Variants in WFDC13 observed in about 807,000 individuals in gnomAD.
The protein encoded by WFDC13 is WAP four-disulfide core domain 13.
Under a neutral mutation model 10.9 loss-of-function variants are expected in WFDC13, and 6 were observed. The ratio of observed to expected loss-of-function variants is 0.55; its 90% confidence interval spans 0.30 to 1.09. The LOEUF is 1.09. WFDC13 is among the 50% of genes least tolerant of loss of function. The pLI is 0.06. For synonymous variants in WFDC13, 38 were observed against 39.5 expected (o/e 0.96, Z 0.14); for missense variants, 104 against 109.6 (o/e 0.95, Z 0.23).
chr20:45,707,439 G>A (rs940801176), intron 3 of WFDC13, among the ~76,000 whole-genome samples: 8 of 152,084 alleles, frequency 5.3e-5, no homozygotes, highest in Non-Finnish European at 1.0e-4. Flanking sequence ...GTCACGAGAG[G>A]CTATTTAAAT....
At chr20:45,704,637 G>A (rs1453647842) in intron 2 of WFDC13, 43 bp downstream of exon 2, 2 of 1,605,626 alleles carry the variant, frequency 1.2e-6, no homozygotes, top group Non-Finnish European at 8.5e-7. Context: ...AGAGCTGCTG[G>A]TGGGAGCCCA....
chr20:45,702,110 A>T lies in WFDC13; in HGVS notation c.-14A>T, dbSNP rs1157726427. 6.2e-7 allele frequency: 1 copy of T among 1,611,498 alleles called. No individual in the cohort carries two copies. Among genetic ancestry groups the T allele is most frequent in the Admixed American group, 1.7e-5 (1 of 59,690 alleles). ...ACCCTTGGCCAGAACTTACTCACCCATCCCACTGACACCATGAAGCCTGTG... is the reference window on the plus strand; with the variant it reads ...ACCCTTGGCCAGAACTTACTCACCCTTCCCACTGACACCATGAAGCCTGTG... On this transcript the variant is annotated 5_prime_UTR_variant, in exon 1 of 4. Transcript: ENST00000305479.
At chr20:45,704,316 C>A in intron 1 of WFDC13, 128 bp from the exon 2 acceptor site, 1 of 1,284,460 alleles carries the variant, frequency 7.8e-7, no homozygotes, top group Non-Finnish European at 1.0e-6. Context: ...AACCTGATGC[C>A]ACCACCCTGG....
At chr20:45,707,545 G>C (rs2145647819) in intron 3 of WFDC13, among the ~76,000 whole-genome samples, 1 of 152,262 alleles carries the variant, frequency 6.6e-6, no homozygotes. Flanking sequence ...GTGGTTAGTA[G>C]CTACCATATT....
intron 1 of WFDC13, among the ~76,000 whole-genome samples, chr20:45,702,974 G>A (rs1984228529): frequency 6.6e-6 from 1 of 152,194 alleles, no homozygotes; most frequent in Non-Finnish European, 1.5e-5. Flanking sequence ...TGCTTAAGAA[G>A]TTTCAGAAAA....
chr20:45,704,797 C>G (rs1984323130), intron 2 of WFDC13: 1 of 1,300,062 alleles, frequency 7.7e-7, no homozygotes, highest in Non-Finnish European at 1.1e-6. Context: ...CTCCCAATCA[C>G]CACATCCCAT....
At chr20:45,705,346 G>A (rs1439505045) in intron 2 of WFDC13, among the ~76,000 whole-genome samples, 1 of 152,192 alleles carries the variant, frequency 6.6e-6, no homozygotes, top group Non-Finnish European at 1.5e-5. Flanking sequence ...GTTCCCTGCT[G>A]TATTCCCTAC....
chr20:45,705,897 G>T lies in WFDC13; in HGVS notation c.274G>T (p.Ala92Ser). 6.2e-7 allele frequency: 1 copy of T among 1,614,000 alleles called. No individual in the cohort carries two copies. The highest frequency in any genetic ancestry group is 8.5e-7 in the Non-Finnish European group (1 of 1,179,970). Residue 92 changes from alanine (A) to serine (S), a missense_variant, in exon 3 of 4, where the codon GCC becomes TCC. Ala to Ser is a moderately conservative substitution (Grantham distance 99, BLOSUM62 1). Coordinates refer to ENST00000305479, the MANE Select transcript of WFDC13 (RefSeq NM_172005.2). Reference sequence around the variant, plus strand: ...CAAGGGCTCAGAAGTCATCATGCCTGCCAACTGAGGCATATTTCCTAGATC... The same window carrying T: ...CAAGGGCTCAGAAGTCATCATGCCTTCCAACTGAGGCATATTTCCTAGATC... ...KHKGSEVIMP[A>S]N
At chr20:45,702,895 T>A (rs1984224732) in intron 1 of WFDC13, among the ~76,000 whole-genome samples, 1 of 152,304 alleles carries the variant, frequency 6.6e-6, no homozygotes, top group Middle Eastern at 3.4e-3. Flanking sequence ...GGGGAAAACA[T>A]CTTCAGAATA....
At chr20:45,705,808 A>G in intron 2 of WFDC13, 55 bp from the exon 3 acceptor site, 5 of 1,525,120 alleles carry the variant, frequency 3.3e-6, no homozygotes, top group Non-Finnish European at 4.5e-6. Context: ...AAAAATATAT[A>G]TCTCTAAAAG....
At chr20:45,704,912 C>T in intron 2 of WFDC13, 1 of 1,613,666 alleles carries the variant, frequency 6.2e-7, no homozygotes, top group South Asian at 1.1e-5. Flanking sequence ...CCCAGGGACA[C>T]TGTACCTGCA....
intron 1 of WFDC13, among the ~76,000 whole-genome samples, chr20:45,703,796 C>T (rs1271501318): frequency 6.6e-6 from 1 of 152,140 alleles, no homozygotes; most frequent in East Asian, 1.9e-4. Context: ...GGTGCTCTGG[C>T]CTCCTGATCG....
chr20:45,705,852 T>A lies in WFDC13; in HGVS notation c.240-11T>A. The stretch of plus-strand genomic sequence containing the variant: ...CACTAGTTAATATTTGAAAATATTT[T>A]TCTTCTACAGAATCAAACACAAGGG... On this transcript the variant is annotated splice_polypyrimidine_tract_variant and intron_variant, in intron 2 of 3. Coordinates refer to ENST00000305479, the MANE Select transcript of WFDC13 (RefSeq NM_172005.2). 1.2e-6 allele frequency: 2 copies of A among 1,612,480 alleles called. No homozygotes were observed. Among genetic ancestry groups the A allele is most frequent in the Non-Finnish European group, 1.7e-6 (2 of 1,179,442 alleles).
At position 45,708,239 on chromosome 20, in the gene WFDC13, G is replaced by A. The variant is rs1464233696; in HGVS notation, c.*404G>A. 1.3e-5 allele frequency: 2 copies of A among 152,190 alleles called. No individual in the cohort carries two copies. Among genetic ancestry groups the A allele is most frequent in the African/African-American group, 2.4e-5 (1 of 41,416 alleles). The allele number at this position is 152,190 out of a possible 1,614,324, so 9.4% of individuals were successfully genotyped here. A position where few individuals can be genotyped will look rare whatever the true frequency, so the allele number is the denominator to read the frequency against. On this transcript the variant is annotated 3_prime_UTR_variant, in exon 4 of 4. Coordinates refer to ENST00000305479, the MANE Select transcript of WFDC13 (RefSeq NM_172005.2). ...TAATTGATCCCATATTTAACCTCAAGGAGAAATATCAACCAGACACTGCAT... is the reference window on the plus strand; with the variant it reads ...TAATTGATCCCATATTTAACCTCAAAGAGAAATATCAACCAGACACTGCAT...
At chr20:45,705,106 C>A (rs1453144094) in intron 2 of WFDC13, 1 of 1,012,896 alleles carries the variant, frequency 9.9e-7, no homozygotes, top group Admixed American at 1.7e-5. Context: ...GCTCCCAGGG[C>A]AGAGAAAGGA....
chr20:45,705,096 G>T, intron 2 of WFDC13: 1 of 1,117,664 alleles, frequency 8.9e-7, no homozygotes, highest in Non-Finnish European at 1.4e-6. Flanking sequence ...AATGGAGTGT[G>T]CTCCCAGGGC....
At chr20:45,704,284 G>A (rs1164502182) in intron 1 of WFDC13, among the ~76,000 whole-genome samples, 160 bp from the exon 2 acceptor site, 1 of 152,168 alleles carries the variant, frequency 6.6e-6, no homozygotes, top group African/African-American at 2.4e-5. Context: ...AGAACTCAGA[G>A]GAAGGCAGCA....
chr20:45,704,955 C>A, intron 2 of WFDC13: 1 of 1,614,120 alleles, frequency 6.2e-7, no homozygotes, highest in Non-Finnish European at 8.5e-7. Context: ...AAAATTTGTC[C>A]TACACTTTTG....
At position 45,702,283 on chromosome 20, in the gene WFDC13, C is replaced by T. The variant is rs992629492; in HGVS notation, c.88+72C>T. 4.2e-6 allele frequency: 6 copies of T among 1,425,790 alleles called. No homozygotes were observed. In the African/African-American group the frequency reaches 8.5e-5, roughly 20 times the overall value. 88.3% of individuals were successfully genotyped at this position (1,425,790 alleles called of 1,614,324 possible). On this transcript the variant is annotated intron_variant, in intron 1 of 3. Transcript: ENST00000305479. Reference sequence around the variant, plus strand: ...AGGAGAGGATCTGAGGGCTGACAGTCTGTCACACCTCTTGGAAAAATACCG... The same window carrying T: ...AGGAGAGGATCTGAGGGCTGACAGTTTGTCACACCTCTTGGAAAAATACCG...
Sources: gnomAD v4.1 joint callset for allele counts (sites outside exome capture counted in the v4.1 genomes callset) on GRCh38, gnomAD v4.1.1 for gene constraint, MANE v1.5 for transcripts, NCBI Gene and HGNC (gene_info 2026-07-23, HGNC 2026-07-21) for gene names.